DOCK4: variants seen among roughly 807,000 people sequenced by gnomAD.
DOCK4 encodes dedicator of cytokinesis protein 4.
DOCK4 carries 97 observed loss-of-function variants against 268.1 expected under a neutral mutation model. The observed-to-expected ratio is 0.36, with a 90% CI of 0.31 to 0.43. The LOEUF is 0.43. Among genes scored for constraint, DOCK4 ranks in the 20% least tolerant of loss-of-function variants. The probability of loss-of-function intolerance (pLI) is 1.00; values close to 1 mark genes in which losing one functional copy is unlikely to be tolerated. For missense variants in DOCK4, 2,145 were observed against 2,455.7 expected, an observed-to-expected ratio of 0.87 and a Z score of 2.67; for synonymous variants, 954 against 887.2, an observed-to-expected ratio of 1.08 and a Z score of -1.34.
rs1371138193 is a variant in DOCK4 at position 111,808,773 on chromosome 7, A to T, written c.3166+48T>A. 6 of 1,583,612 alleles carry T rather than the reference A, an allele frequency of 3.8e-6. No homozygotes were observed. In the South Asian group the frequency reaches 6.9e-5, roughly 18 times the overall value. ...TTTCTTCATTTGTACACTTCAAGGT[A>T]CAGCGAGGAGCTGTATAGTAGATGT... On this transcript the variant is annotated intron_variant, in intron 30 of 52. Coordinates refer to ENST00000428084, the MANE Select transcript of DOCK4 (RefSeq NM_001363540.2).
At chr7:112,035,778 A>G (rs1803698879) in intron 1 of DOCK4, among the ~76,000 whole-genome samples, 1 of 152,162 alleles carries the variant, frequency 6.6e-6, no homozygotes, top group African/African-American at 2.4e-5. Context: ...ACTACAGAAA[A>G]TTACAACACT....
chr7:112,102,147 C>T (rs990399558), intron 1 of DOCK4, among the ~76,000 whole-genome samples: 20 of 152,296 alleles, frequency 1.3e-4, no homozygotes, highest in African/African-American at 2.9e-4. Flanking sequence ...CTTGCTATAA[C>T]GCTCCTTCTG....
intron 11 of DOCK4, among the ~76,000 whole-genome samples, chr7:111,939,828 T>C (rs777463305): frequency 3.3e-4 from 50 of 152,322 alleles, no homozygotes; most frequent in Non-Finnish European, 6.3e-4. Context: ...GGTAAAGACG[T>C]GCTAGGTTTA....
In DOCK4 at chr7:111,735,100, A is replaced by T. The variant is rs1013615451; in HGVS notation, c.5373T>A (p.Ser1791Arg). Residue 1791 changes from serine to arginine, a missense_variant, in exon 51 of 53, where the codon AGT becomes AGA. Ser to Arg is a moderately radical substitution (Grantham distance 110). Coordinates refer to ENST00000428084, the MANE Select transcript of DOCK4 (RefSeq NM_001363540.2). ...GGACAGGGGGAGAGATAAGTTTCCC[A>T]CTATCCGACATGTTCTTGGCTTCCT... ...SGKEAKNMSD[S>R]GKLISPPVPP... is the part of the protein sequence containing the mutation. The T allele has an allele frequency of 2.5e-6, 4 of 1,602,212 alleles. No individual in the cohort carries two copies. Among genetic ancestry groups the T allele is most frequent in the Non-Finnish European group, 3.4e-6 (4 of 1,174,272 alleles).
chr7:112,161,445 G>A (rs1007799347), intron 1 of DOCK4, among the ~76,000 whole-genome samples: 3 of 152,116 alleles, frequency 2.0e-5, no homozygotes, highest in African/African-American at 7.2e-5. Flanking sequence ...AAACCTAATA[G>A]AAAGCTACAC....
chr7:111,837,123 A>G (rs372400889), intron 25 of DOCK4, among the ~76,000 whole-genome samples: 7 of 152,094 alleles, frequency 4.6e-5, no homozygotes, highest in African/African-American at 1.7e-4. Context: ...AAAATCTTAA[A>G]ACACTATTCA....
At chr7:112,077,845 T>C (rs1808223541) in intron 1 of DOCK4, among the ~76,000 whole-genome samples, 1 of 152,116 alleles carries the variant, frequency 6.6e-6, no homozygotes, top group Admixed American at 6.5e-5. Flanking sequence ...TCAGTAAACT[T>C]ATCAGTTAAT....
intron 15 of DOCK4, among the ~76,000 whole-genome samples, chr7:111,896,560 C>T (rs1808775545): frequency 6.6e-6 from 1 of 150,580 alleles, no homozygotes; most frequent in South Asian, 2.1e-4. Flanking sequence ...ACTTGACTCT[C>T]CCCTTGTACT....
At chr7:112,122,562 C>T (rs1812832252) in intron 1 of DOCK4, among the ~76,000 whole-genome samples, 1 of 152,124 alleles carries the variant, frequency 6.6e-6, no homozygotes, top group East Asian at 1.9e-4. Context: ...TTAGCCACCA[C>T]GCCCAGCCAA....
intron 1 of DOCK4, among the ~76,000 whole-genome samples, chr7:112,036,253 T>C (rs1803747737): frequency 6.6e-6 from 1 of 151,724 alleles, no homozygotes; most frequent in South Asian, 2.1e-4. Flanking sequence ...ACGATGAAAA[T>C]TTGGATAAAC....
chr7:112,056,177 C>A (rs1805800139), intron 1 of DOCK4, among the ~76,000 whole-genome samples: 1 of 152,100 alleles, frequency 6.6e-6, no homozygotes, highest in East Asian at 1.9e-4. Context: ...TCAAGAAGAG[C>A]AGCTCAGCTT....
At chr7:111,829,935 A>G (rs1374983968) in intron 26 of DOCK4, among the ~76,000 whole-genome samples, 1 of 152,142 alleles carries the variant, frequency 6.6e-6, no homozygotes, top group Non-Finnish European at 1.5e-5. Context: ...ATTTTATTGG[A>G]GGTGCTATAT....
At chr7:112,177,995 T>C (rs1034746213) in intron 1 of DOCK4, among the ~76,000 whole-genome samples, 5 of 152,236 alleles carry the variant, frequency 3.3e-5, no homozygotes, top group Non-Finnish European at 5.9e-5. Context: ...GACAGTACCA[T>C]GGCTGTGGGA....
chr7:111,987,683 G>A (rs1183917349), intron 6 of DOCK4, among the ~76,000 whole-genome samples: 1 of 152,148 alleles, frequency 6.6e-6, no homozygotes, highest in South Asian at 2.1e-4. Flanking sequence ...AGCTGAAAGC[G>A]CCCTTGTGCT....
chr7:112,199,213 G>A (rs1245801708), intron 1 of DOCK4, among the ~76,000 whole-genome samples: 1 of 152,164 alleles, frequency 6.6e-6, no homozygotes, highest in Non-Finnish European at 1.5e-5. Context: ...TGTGAAATAT[G>A]AGTGATAACT....
chr7:111,808,245 G>A (rs1443057758), intron 30 of DOCK4: 1 of 152,166 alleles, frequency 6.6e-6, no homozygotes, highest in Non-Finnish European at 1.5e-5. Context: ...AAATATTACT[G>A]TTTTCTATGC....
chr7:111,788,235 C>T (rs1011685460), intron 32 of DOCK4, among the ~76,000 whole-genome samples: 4 of 152,182 alleles, frequency 2.6e-5, no homozygotes, highest in Non-Finnish European at 5.9e-5. Flanking sequence ...TGTTGAAGAA[C>T]AGATGCAAAC....
intron 1 of DOCK4, among the ~76,000 whole-genome samples, chr7:112,175,342 A>G (rs1818417145): frequency 6.6e-6 from 1 of 152,148 alleles, no homozygotes; most frequent in Non-Finnish European, 1.5e-5. Context: ...ACCATTATAC[A>G]TGTTTTAAAA....
Position 111,872,460 on chromosome 7 carries a change from T to C in DOCK4, c.1842+7A>G, listed in dbSNP as rs2134239788. The C allele has an allele frequency of 6.3e-7, 1 of 1,576,126 alleles. No homozygotes were observed. Among genetic ancestry groups the C allele is most frequent in the Non-Finnish European group, 8.6e-7 (1 of 1,158,020 alleles). ...TGCAAGGAAAATAGTAATGAAATAC[T>C]ATATACCTTTACTATCTCTGAGCCA... On this transcript the variant is annotated splice_region_variant and intron_variant, in intron 18 of 52. Coordinates refer to ENST00000428084, the MANE Select transcript of DOCK4 (RefSeq NM_001363540.2).
Sources: allele counts gnomAD v4.1 joint callset (sites outside exome capture counted in the v4.1 genomes callset), GRCh38; gene constraint gnomAD v4.1.1; transcripts MANE v1.5; gene names NCBI Gene and HGNC (gene_info 2026-07-23, HGNC 2026-07-21).